Variants in ROBO1 observed in about 807,000 individuals in gnomAD.
ROBO1 encodes roundabout homolog 1.
Under a neutral mutation model 195.9 loss-of-function variants are expected in ROBO1, and 149 were observed. The ratio of observed to expected loss-of-function variants is 0.76; its 90% CI spans 0.67 to 0.87. ROBO1 has a LOEUF of 0.87. Ranked by LOEUF, ROBO1 falls within the 40% of genes least tolerant of loss-of-function variation. The probability of loss-of-function intolerance (pLI) is 0.00; values close to 1 mark genes in which losing one functional copy is unlikely to be tolerated. For synonymous variants in ROBO1, 816 were observed against 733.2 expected, an observed-to-expected ratio of 1.11 and a Z score of -1.82; for missense variants, 1,933 against 2,068.3, an observed-to-expected ratio of 0.93 and a Z score of 1.27.
At chr3:79,223,074 A>T (rs1019441974) in intron 2 of ROBO1, among the ~76,000 whole-genome samples, 1 of 152,136 alleles carries the variant, frequency 6.6e-6, no homozygotes, top group African/African-American at 2.4e-5. Context: ...GGGACAAAGA[A>T]GTTTTGAAGC....
At chr3:79,094,099 C>T (rs2079524510) in intron 3 of ROBO1, among the ~76,000 whole-genome samples, 1 of 152,014 alleles carries the variant, frequency 6.6e-6, no homozygotes, top group Non-Finnish European at 1.5e-5. Flanking sequence ...ATTCTATTAG[C>T]CTGGAGCCTG....
At chr3:79,591,005 T>C (rs1264014525) in intron 1 of ROBO1, among the ~76,000 whole-genome samples, 2 of 151,750 alleles carry the variant, frequency 1.3e-5, no homozygotes, top group African/African-American at 4.8e-5. Context: ...GAGATTTTAA[T>C]AATAGATTAT....
At chr3:79,620,776 C>T (rs184720346) in intron 1 of ROBO1, among the ~76,000 whole-genome samples, 1 of 152,068 alleles carries the variant, frequency 6.6e-6, no homozygotes, top group East Asian at 2.0e-4. Flanking sequence ...ATCTAATCAC[C>T]CTTACCCCAC....
chr3:79,226,042 G>A (rs1205381872), intron 2 of ROBO1, among the ~76,000 whole-genome samples: 1 of 152,106 alleles, frequency 6.6e-6, no homozygotes, highest in Non-Finnish European at 1.5e-5. Flanking sequence ...CTGTCTTACA[G>A]TTTGCCTTAT....
At chr3:78,678,417 TAGAC>T (rs1220811610) in intron 10 of ROBO1, among the ~76,000 whole-genome samples, 1 of 152,046 alleles carries the variant, frequency 6.6e-6, no homozygotes, top group African/African-American at 2.4e-5. Flanking sequence ...ACAAAATTGA[TAGAC>T]AGCTAGCAAG....
intron 28 of ROBO1, among the ~76,000 whole-genome samples, chr3:78,609,152 T>C (rs1703639651): frequency 6.6e-6 from 1 of 152,192 alleles, no homozygotes; most frequent in African/African-American, 2.4e-5. Flanking sequence ...AAAACATCTA[T>C]TGCATGCTTA....
In ROBO1 at chr3:78,938,733, G is replaced by A. The variant is rs2039958884; in HGVS notation, c.367C>T (p.Pro123Ser). 6.2e-7 allele frequency: 1 copy of A among 1,613,930 alleles called. No homozygotes were observed. Among genetic ancestry groups the A allele is most frequent in the Non-Finnish European group, 8.5e-7 (1 of 1,179,884 alleles). The change falls in exon 4 of 31, where the codon CCG becomes TCG. Residue 123 changes from proline to serine, a missense_variant. Pro to Ser is a moderately conservative substitution (Grantham distance 74). This residue lies in a region of ROBO1 where 185 missense variants were observed against 159.5 expected (regional missense o/e 1.16). Transcript: ENST00000464233. ...CGTAAGAAAAATAAAGATCCACTCG[G>A]CAGCAACATTCGGTGTGAGCGAGGG... ...DDPRSHRMLL[P>S]SGSLFFLRIV...
chr3:79,502,736 C>T (rs78091295), intron 2 of ROBO1, among the ~76,000 whole-genome samples: 913 of 16,166 alleles, frequency 0.056, 16 homozygotes, highest in African/African-American at 0.14. Flanking sequence ...GGATTGTAAA[C>T]ACACCAATCA....
intron 4 of ROBO1, among the ~76,000 whole-genome samples, chr3:78,860,326 A>ATATATTTTTT (rs376853384): frequency 1.6e-4 from 15 of 93,504 alleles, no homozygotes; most frequent in African/African-American, 5.0e-4. Context: ...ATATATATAT[A>ATATATTTTTT]TTTTTTTTTT....
intron 2 of ROBO1, among the ~76,000 whole-genome samples, chr3:79,193,841 G>A (rs1035658987): frequency 9.9e-5 from 15 of 151,326 alleles, no homozygotes; most frequent in African/African-American, 3.4e-4. Flanking sequence ...AAACAGAAAA[G>A]TTTAGCCAGA....
Position 78,898,979 on chromosome 3 carries a change from G to A in ROBO1, c.499+39622C>T, listed in dbSNP as rs143829211. Among the ~76,000 whole-genome samples, 357 of 152,140 alleles carry A rather than the reference G, an allele frequency of 2.3e-3. 1 individual carries two copies. The highest frequency in any genetic ancestry group is 8.1e-3 in the African/African-American group (336 of 41,504). ...CAGAGGTACCAACCGTGTATATAGCGCATCCCCAAACTCCAGGCATCCCCC... is the reference window on the plus strand; with the variant it reads ...CAGAGGTACCAACCGTGTATATAGCACATCCCCAAACTCCAGGCATCCCCC... On this transcript the variant is annotated intron_variant, in intron 4 of 30. Coordinates refer to ENST00000464233, the MANE Select transcript of ROBO1 (RefSeq NM_002941.4).
chr3:79,053,467 C>T (rs555635808), intron 3 of ROBO1, among the ~76,000 whole-genome samples: 79 of 152,110 alleles, frequency 5.2e-4, no homozygotes, highest in African/African-American at 1.5e-3. Context: ...TTTAAACCTC[C>T]GGAGTCAGCT....
intron 2 of ROBO1, among the ~76,000 whole-genome samples, chr3:79,537,798 C>G (rs1362348493): frequency 1.3e-5 from 2 of 151,896 alleles, no homozygotes; most frequent in Non-Finnish European, 2.9e-5. Context: ...GGGCTTAAAA[C>G]CAGGTGATGG....
rs763163279 is a variant in ROBO1, at chr3:78,627,500, CTCT to C, written c.3693_3695del (p.Glu1234del). The C allele has an allele frequency of 6.2e-7, 1 of 1,613,376 alleles. No homozygotes were observed. The highest frequency in any genetic ancestry group is 8.5e-7 in the Non-Finnish European group (1 of 1,179,702). ...GAGTGGGGCCTCGTTCATCTTCCTC[CTCT>C]TCTAATTCATCTTGTTGCAAATACA... On this transcript the variant is annotated inframe_deletion, in exon 26 of 31. Transcript: ENST00000464233.
chr3:78,879,661 T>C (rs551532624), intron 4 of ROBO1, among the ~76,000 whole-genome samples: 1 of 150,550 alleles, frequency 6.6e-6, no homozygotes, highest in South Asian at 2.1e-4. Flanking sequence ...AAAAGAACAA[T>C]AAAAACGTAG....
At chr3:79,630,185 C>A (rs1488930482) in intron 1 of ROBO1, among the ~76,000 whole-genome samples, 1 of 151,798 alleles carries the variant, frequency 6.6e-6, no homozygotes, top group Non-Finnish European at 1.5e-5. Context: ...GCAAGGGCAC[C>A]AAAAGAAGAA....
At chr3:79,354,468 A>C (rs1341292726) in intron 2 of ROBO1, among the ~76,000 whole-genome samples, 2 of 152,068 alleles carry the variant, frequency 1.3e-5, no homozygotes, top group African/African-American at 4.8e-5. Flanking sequence ...TTGTATCCCT[A>C]TCATTCCACT....
intron 5 of ROBO1, among the ~76,000 whole-genome samples, chr3:78,738,192 A>G (rs2082437472): frequency 6.6e-6 from 1 of 152,118 alleles, no homozygotes; most frequent in African/African-American, 2.4e-5. Context: ...AAATTTGTGA[A>G]GGATCTGAAG....
intron 1 of ROBO1, among the ~76,000 whole-genome samples, chr3:79,658,060 A>C (rs907983985): frequency 6.6e-6 from 1 of 152,166 alleles, no homozygotes; most frequent in African/African-American, 2.4e-5. Flanking sequence ...AAGATTATTT[A>C]AAATGATAGT....
Sources: allele counts gnomAD v4.1 joint callset (sites outside exome capture counted in the v4.1 genomes callset), GRCh38; gene constraint gnomAD v4.1.1; regional missense constraint gnomAD v4.1.1; transcripts MANE v1.5; gene names NCBI Gene and HGNC (gene_info 2026-07-23, HGNC 2026-07-21).